MBD2: variants seen among roughly 807,000 people sequenced by gnomAD.
The protein encoded by MBD2 is methyl-CpG-binding domain protein 2.
A neutral mutation model predicts 39.3 loss-of-function variants in MBD2; 9 were observed. That is an observed-to-expected ratio of 0.23 (90% CI 0.14 to 0.40). MBD2 has a LOEUF of 0.40. MBD2 is among the 10% of genes least tolerant of loss of function. The pLI, the probability that MBD2 is intolerant of heterozygous loss-of-function variation, is 1.00. For missense variants in MBD2, 458 were observed against 532.6 expected (o/e 0.86, Z 1.38); for synonymous variants, 233 against 211.1 (o/e 1.10, Z -0.90).
In MBD2 at chr18:54,184,312, C is replaced by T. The variant is rs576683368; in HGVS notation, c.840+4562G>A. ...AGGCAGCATTAAATTCTCACAGAGG[C>T]GCGAACCCCATTGTGCTCTGCGCAT... On this transcript the variant is annotated intron_variant, in intron 3 of 6. Transcript: ENST00000256429. Among the ~76,000 whole-genome samples the T allele has an allele frequency of 3.7e-4, 57 of 152,178 alleles. 1 individual carries two copies. In the Middle Eastern group the frequency reaches 0.017, roughly 45 times the overall value.
At chr18:54,184,112 C>T (rs2144305676) in intron 3 of MBD2, among the ~76,000 whole-genome samples, 1 of 152,052 alleles carries the variant, frequency 6.6e-6, no homozygotes, top group South Asian at 2.1e-4. Context: ...CCCTTTTAAA[C>T]TACTGAATTA....
chr18:54,212,492 C>T (rs1295334907), intron 1 of MBD2, among the ~76,000 whole-genome samples: 2 of 152,040 alleles, frequency 1.3e-5, no homozygotes, highest in East Asian at 1.9e-4. Context: ...ACTTACTTGA[C>T]GTCAGATTTC....
At chr18:54,171,238 C>T (rs1456679608) in intron 3 of MBD2, among the ~76,000 whole-genome samples, 1 of 151,966 alleles carries the variant, frequency 6.6e-6, no homozygotes, top group Non-Finnish European at 1.5e-5. Flanking sequence ...CCCATCTCTC[C>T]TAAAAATACA....
intron 3 of MBD2, among the ~76,000 whole-genome samples, chr18:54,182,373 G>A (rs1208044761): frequency 6.6e-6 from 1 of 152,154 alleles, no homozygotes; most frequent in Non-Finnish European, 1.5e-5. Context: ...GATGTCACTT[G>A]AGAGATGAGT....
At chr18:54,197,317 T>C (rs1451881534) in intron 2 of MBD2, among the ~76,000 whole-genome samples, 1 of 152,240 alleles carries the variant, frequency 6.6e-6, no homozygotes, top group African/African-American at 2.4e-5. Flanking sequence ...CTATTCCTTA[T>C]GCTGGCTGGC....
At chr18:54,209,683 G>C (rs1237270089) in intron 1 of MBD2, among the ~76,000 whole-genome samples, 1 of 152,222 alleles carries the variant, frequency 6.6e-6, no homozygotes, top group Non-Finnish European at 1.5e-5. Context: ...TCTTCAGGAG[G>C]TGAAAGCAAA....
intron 2 of MBD2, among the ~76,000 whole-genome samples, chr18:54,189,931 G>C (rs2086309350): frequency 6.6e-6 from 1 of 152,078 alleles, no homozygotes. Context: ...TTACAGGTGT[G>C]AGCCTCCACA....
chr18:54,158,214 C>T (rs1244659255), intron 6 of MBD2, among the ~76,000 whole-genome samples: 1 of 151,100 alleles, frequency 6.6e-6, no homozygotes, highest in Admixed American at 6.6e-5. Context: ...CCCAGACATA[C>T]TGCATTCCAA....
chr18:54,213,886 A>T (rs114822677), intron 1 of MBD2, among the ~76,000 whole-genome samples: 4,066 of 152,296 alleles, frequency 0.027, 178 homozygotes, highest in African/African-American at 0.093. Flanking sequence ...ATCCTTACAC[A>T]TATATCTTAC....
chr18:54,190,833 C>T (rs2086315465), intron 2 of MBD2, among the ~76,000 whole-genome samples: 1 of 151,996 alleles, frequency 6.6e-6, no homozygotes, highest in Admixed American at 6.6e-5. Context: ...TTCGTAAAGC[C>T]ATATAACTTA....
chr18:54,163,528 C>A (rs1286743287), intron 5 of MBD2, among the ~76,000 whole-genome samples: 1 of 152,106 alleles, frequency 6.6e-6, no homozygotes, highest in Non-Finnish European at 1.5e-5. Flanking sequence ...TGTGATCTTA[C>A]TAACTGGAGT....
intron 6 of MBD2, among the ~76,000 whole-genome samples, chr18:54,157,508 A>C (rs551096017): frequency 6.6e-6 from 1 of 152,006 alleles, no homozygotes; most frequent in East Asian, 1.9e-4. Flanking sequence ...ACATCCATCC[A>C]CCTCAGCCTC....
At chr18:54,171,001 A>G (rs775658918) in intron 3 of MBD2, among the ~76,000 whole-genome samples, 19 of 152,320 alleles carry the variant, frequency 1.2e-4, no homozygotes, top group Non-Finnish European at 2.4e-4. Flanking sequence ...GATTCTATTC[A>G]ATAGATCTGG....
At chr18:54,218,151 T>C (rs2086577426) in intron 1 of MBD2, among the ~76,000 whole-genome samples, 1 of 152,248 alleles carries the variant, frequency 6.6e-6, no homozygotes, top group African/African-American at 2.4e-5. Context: ...ATATTTCAAC[T>C]GTATCTCAAA....
At chr18:54,201,378 G>A (rs1172401618) in intron 2 of MBD2, among the ~76,000 whole-genome samples, 1 of 152,160 alleles carries the variant, frequency 6.6e-6, no homozygotes, top group African/African-American at 2.4e-5. Context: ...AAATAATTAT[G>A]GCAGTCAAGA....
At chr18:54,204,896 G>C in intron 2 of MBD2, 102 bp downstream of exon 2, 1 of 1,121,656 alleles carries the variant, frequency 8.9e-7, no homozygotes, top group Non-Finnish European at 1.3e-6. Flanking sequence ...ACATGCACGG[G>C]ACATTTGGAC....
chr18:54,208,991 T>A (rs988430630), intron 1 of MBD2, among the ~76,000 whole-genome samples: 4 of 151,994 alleles, frequency 2.6e-5, no homozygotes, highest in South Asian at 2.1e-4. Context: ...TATTGTTTAT[T>A]AATTTTAAAA....
At chr18:54,163,343 A>G (rs968204651) in intron 5 of MBD2, among the ~76,000 whole-genome samples, 4 of 152,188 alleles carry the variant, frequency 2.6e-5, no homozygotes, top group African/African-American at 9.6e-5. Context: ...TCATCTGCTG[A>G]TTTTGTCTAG....
At chr18:54,159,686 G>T in intron 6 of MBD2, 79 bp downstream of exon 6, 1 of 1,513,862 alleles carries the variant, frequency 6.6e-7, no homozygotes, top group Non-Finnish European at 9.0e-7. Context: ...CCAAGTGCTG[G>T]GATTACAGGC....
Sources: allele counts gnomAD v4.1 joint callset (sites outside exome capture counted in the v4.1 genomes callset), GRCh38; gene constraint gnomAD v4.1.1; transcripts MANE v1.5; gene names NCBI Gene and HGNC (gene_info 2026-07-23, HGNC 2026-07-21).